Variants in ZDHHC15 observed in about 807,000 individuals in gnomAD.
ZDHHC15 encodes the protein palmitoyltransferase ZDHHC15.
In ZDHHC15, 19 loss-of-function variants were observed where a neutral mutation model predicts 31.7. That is an observed-to-expected ratio of 0.60 (90% CI 0.42 to 0.88). ZDHHC15 has a LOEUF of 0.88. Among genes scored for constraint, ZDHHC15 ranks in the 40% least tolerant of loss-of-function variants. The probability of loss-of-function intolerance (pLI) is 0.00; values close to 1 mark genes in which losing one functional copy is unlikely to be tolerated. For synonymous variants in ZDHHC15, 103 were observed against 90.0 expected (o/e 1.14, Z -0.82); for missense variants, 209 against 251.2 (o/e 0.83, Z 1.14).
chrX:75,462,303 T>G (rs1347510891), intron 3 of ZDHHC15, among the ~76,000 whole-genome samples: 1 of 112,271 alleles, frequency 8.9e-6, no homozygotes, highest in Non-Finnish European at 1.9e-5. Flanking sequence ...CAAAAAGACT[T>G]ATATTCTAAC....
At chrX:75,392,464 A>G (rs1327889887) in intron 10 of ZDHHC15, among the ~76,000 whole-genome samples, 10 of 112,073 alleles carry the variant, frequency 8.9e-5, no homozygotes, top group Non-Finnish European at 1.5e-4. Flanking sequence ...AATACTTTGT[A>G]TTCTTCAGTC....
chrX:75,419,399 G>A (rs1328125997), intron 9 of ZDHHC15, among the ~76,000 whole-genome samples: 1 of 111,743 alleles, frequency 8.9e-6, no homozygotes, highest in Non-Finnish European at 1.9e-5. Context: ...ACCACAATGA[G>A]TACCATCTCA....
intron 11 of ZDHHC15, among the ~76,000 whole-genome samples, chrX:75,375,547 A>T (rs1178367194): frequency 2.7e-5 from 3 of 110,950 alleles, no homozygotes. Context: ...TAGTTTTTCA[A>T]CCCACCCCCT....
At chrX:75,442,125 T>A (rs2083950822) in intron 4 of ZDHHC15, among the ~76,000 whole-genome samples, 1 of 112,254 alleles carries the variant, frequency 8.9e-6, no homozygotes, top group South Asian at 3.7e-4. Flanking sequence ...TTTCTAAGTG[T>A]CTTTGTGAGA....
intron 3 of ZDHHC15, among the ~76,000 whole-genome samples, chrX:75,478,300 T>A (rs1423988543): frequency 8.9e-6 from 1 of 111,901 alleles, no homozygotes; most frequent in East Asian, 2.8e-4. Flanking sequence ...AATAGTAGTT[T>A]CATAGAATTG....
intron 2 of ZDHHC15, among the ~76,000 whole-genome samples, chrX:75,482,254 T>A (rs1368799784): frequency 9.0e-6 from 1 of 111,369 alleles, no homozygotes; most frequent in African/African-American, 3.3e-5. Context: ...AACCTGCACA[T>A]GTACCCCCTG....
intron 1 of ZDHHC15, among the ~76,000 whole-genome samples, chrX:75,518,771 A>G (rs866340250): frequency 4.2e-4 from 12 of 28,865 alleles, no homozygotes; most frequent in Non-Finnish European, 6.4e-4. Context: ...ACAAACTGGT[A>G]TATATATATA....
At chrX:75,476,368 T>A (rs1437315649) in intron 3 of ZDHHC15, among the ~76,000 whole-genome samples, 5 of 111,237 alleles carry the variant, frequency 4.5e-5, no homozygotes, top group African/African-American at 1.3e-4. Flanking sequence ...GGTTTTTGAT[T>A]ACTAATTCTA....
chrX:75,407,565 C>T (rs2083431827), intron 10 of ZDHHC15, among the ~76,000 whole-genome samples: 1 of 111,062 alleles, frequency 9.0e-6, no homozygotes, highest in Non-Finnish European at 1.9e-5. Flanking sequence ...GCAGCCCCCG[C>T]CCGGCCAGCT....
chrX:75,382,560 T>G (rs1397190998), intron 10 of ZDHHC15, among the ~76,000 whole-genome samples: 2 of 112,313 alleles, frequency 1.8e-5, no homozygotes, highest in Non-Finnish European at 3.8e-5. Context: ...ACAGGTTGTT[T>G]ATAGGCATGT....
At chrX:75,521,480 G>A (rs979906020) in intron 1 of ZDHHC15, among the ~76,000 whole-genome samples, 80 of 110,843 alleles carry the variant, frequency 7.2e-4, no homozygotes, top group African/African-American at 2.4e-3. Flanking sequence ...GAATTAAAGT[G>A]GAAAGTGGGA....
At chrX:75,402,050 A>G (rs1281146949) in intron 10 of ZDHHC15, among the ~76,000 whole-genome samples, 1 of 112,762 alleles carries the variant, frequency 8.9e-6, no homozygotes, top group Non-Finnish European at 1.9e-5. Context: ...CTCTGGAACC[A>G]CAGTGCCATA....
At chrX:75,401,032 G>A (rs1452287725) in intron 10 of ZDHHC15, among the ~76,000 whole-genome samples, 3 of 110,688 alleles carry the variant, frequency 2.7e-5, no homozygotes, top group Non-Finnish European at 3.8e-5. Context: ...AAGCTGGAAC[G>A]GATGCTGACA....
In ZDHHC15 at chrX:75,474,824, G is replaced by A. The variant is rs1372591594; in HGVS notation, c.258+4067C>T. Among the ~76,000 whole-genome samples the A allele has an allele frequency of 6.3e-5, 7 of 110,391 alleles. No homozygotes were observed. The East Asian group carries it at 8.5e-4, about 13-fold the overall frequency. On this transcript the variant is annotated intron_variant, in intron 3 of 11. Coordinates refer to ENST00000373367, the MANE Select transcript of ZDHHC15 (RefSeq NM_144969.3). ...TGTAATCCCAGCACTTTGGGAGGCC[G>A]AGACGGGTGGATCATGAGGTCAGGA...
rs1476950788 is a variant in ZDHHC15, at chrX:75,406,052, A to C, written c.967+11035T>G. ...ATAAAACTAGAAATAAATAAGATGA[A>C]CCCTGGAACCTGCACAAACACATAG... On this transcript the variant is annotated intron_variant, in intron 10 of 11. Coordinates refer to ENST00000373367, the MANE Select transcript of ZDHHC15 (RefSeq NM_144969.3). Among the ~76,000 whole-genome samples the C allele has an allele frequency of 1.5e-4, 17 of 111,945 alleles. No individual in the cohort carries two copies. The Admixed American group carries it at 1.6e-3, about 11-fold the overall frequency.
At chrX:75,471,558 C>T (rs2084503667) in intron 3 of ZDHHC15, among the ~76,000 whole-genome samples, 1 of 112,295 alleles carries the variant, frequency 8.9e-6, no homozygotes, top group African/African-American at 3.2e-5. Flanking sequence ...TTTGGCCCCT[C>T]CTACAACCAA....
intron 6 of ZDHHC15, 45 bp from the exon 7 acceptor site, chrX:75,429,243 G>A (rs1363791720): frequency 8.5e-7 from 1 of 1,170,323 alleles, no homozygotes; most frequent in African/African-American, 1.8e-5. Flanking sequence ...CCTCTTGATT[G>A]AGAGCACACT....
chrX:75,466,111 C>A (rs2084400920), intron 3 of ZDHHC15, among the ~76,000 whole-genome samples: 1 of 111,495 alleles, frequency 9.0e-6, no homozygotes, highest in Admixed American at 9.6e-5. Flanking sequence ...AAAAAACAAA[C>A]AACCCCAGTA....
At chrX:75,476,754 C>T (rs1331754364) in intron 3 of ZDHHC15, among the ~76,000 whole-genome samples, 3 of 104,463 alleles carry the variant, frequency 2.9e-5, no homozygotes. Flanking sequence ...CTTCCCTTCT[C>T]TCCTCTTTTC....
Sources: gnomAD v4.1 joint callset for allele counts (sites outside exome capture counted in the v4.1 genomes callset) on GRCh38, gnomAD v4.1.1 for gene constraint, MANE v1.5 for transcripts, NCBI Gene and HGNC (gene_info 2026-07-23, HGNC 2026-07-21) for gene names.